The following PLEKHA8 variants were observed in gnomAD, a reference collection of about 807,000 sequenced individuals.
PLEKHA8 encodes the protein pleckstrin homology domain-containing family A member 8.
In PLEKHA8, 36 loss-of-function variants were observed where a neutral mutation model predicts 68.2. The observed-to-expected ratio is 0.53, with a 90% CI of 0.40 to 0.70. The LOEUF (loss-of-function observed/expected upper bound fraction) is 0.70. PLEKHA8 is among the 30% of genes least tolerant of loss of function. The probability of loss-of-function intolerance (pLI) is 0.00; values close to 1 mark genes in which losing one functional copy is unlikely to be tolerated. For missense variants in PLEKHA8, 505 were observed against 615.4 expected, an observed-to-expected ratio of 0.82 and a Z score of 1.90; for synonymous variants, 211 against 216.1, an observed-to-expected ratio of 0.98 and a Z score of 0.20.
At chr7:30,050,556 A>G in intron 6 of PLEKHA8, 82 bp downstream of exon 6, 3 of 1,407,728 alleles carry the variant, frequency 2.1e-6, no homozygotes, top group South Asian at 2.9e-5. Flanking sequence ...AGATACTTTG[A>G]TCTTGTAATG....
chr7:30,110,976 CGCACT>C (rs1562554972), intron 13 of PLEKHA8, among the ~76,000 whole-genome samples: 1 of 151,186 alleles, frequency 6.6e-6, no homozygotes, highest in Non-Finnish European at 1.5e-5. Flanking sequence ...GCGATCTTGG[CGCACT>C]GCAACCTCTG....
intron 7 of PLEKHA8, 87 bp downstream of exon 7, chr7:30,052,953 C>A: frequency 8.9e-7 from 1 of 1,124,940 alleles, no homozygotes; most frequent in Non-Finnish European, 1.3e-6. Flanking sequence ...TAGGGATTAA[C>A]CTCAAGACCA....
chr7:30,077,507 A>G (rs1434737572), intron 13 of PLEKHA8, among the ~76,000 whole-genome samples: 1 of 152,202 alleles, frequency 6.6e-6, no homozygotes, highest in Non-Finnish European at 1.5e-5. Flanking sequence ...TAATGCTTAA[A>G]ATAAGGAAAG....
Position 30,080,908 on chromosome 7 carries a change from GGAT to G in PLEKHA8, c.*2125_*2127del. The G allele has an allele frequency of 4.1e-6, 4 of 985,344 alleles. No homozygotes were observed. Among genetic ancestry groups the G allele is most frequent in the Non-Finnish European group, 3.6e-6 (3 of 829,924 alleles). 61.0% of individuals were successfully genotyped at this position (985,344 alleles called of 1,614,324 possible). A position where few individuals can be genotyped will look rare whatever the true frequency, so the allele number is the denominator to read the frequency against. ...TTTTAGGCATTGTACCATTTAGCGG[GGAT>G]GATACCAGGTGGTTGTTAGAATTGT... On this transcript the variant is annotated 3_prime_UTR_variant, in exon 14 of 14. Transcript: ENST00000449726.
rs549629429 is a variant in PLEKHA8, at chr7:30,115,490, A to G, written c.1363-13776A>G. ...TATACACACATGTATACGTGTATGT[A>G]GACATATGTATACATATGTACACAT... On this transcript the variant is annotated intron_variant, in intron 13 of 13. Coordinates refer to the PLEKHA8 transcript ENST00000396257. 9.7e-4 allele frequency among the ~76,000 whole-genome samples: 148 copies of G among 151,916 alleles called. No individual in the cohort carries two copies. The South Asian group carries it at 0.011, about 11-fold the overall frequency.
chr7:30,065,106 C>G (rs757890076), intron 12 of PLEKHA8, among the ~76,000 whole-genome samples: 2 of 152,080 alleles, frequency 1.3e-5, no homozygotes, highest in Admixed American at 1.3e-4. Context: ...GAGACTGGGC[C>G]CAGGGGATGT....
chr7:30,065,189 C>A (rs1324685937), intron 12 of PLEKHA8, among the ~76,000 whole-genome samples: 1 of 152,156 alleles, frequency 6.6e-6, no homozygotes, highest in African/African-American at 2.4e-5. Context: ...CACAGCCAGT[C>A]TCAGCTTTTT....
chr7:30,100,140 C>T (rs1176998616), intron 13 of PLEKHA8, among the ~76,000 whole-genome samples: 1 of 152,194 alleles, frequency 6.6e-6, no homozygotes, highest in Non-Finnish European at 1.5e-5. Flanking sequence ...CATAAGGAGA[C>T]CTGTCATTGG....
At chr7:30,028,841 G>C (rs547832703) in intron 1 of PLEKHA8, 39 bp downstream of exon 1, 3 of 1,251,178 alleles carry the variant, frequency 2.4e-6, no homozygotes, top group Non-Finnish European at 1.0e-6. Context: ...GCCGGGGGCC[G>C]GTCCTTTGTC....
At chr7:30,089,720 C>T (rs567693975) in intron 12 of PLEKHA8, among the ~76,000 whole-genome samples, 237 of 152,190 alleles carry the variant, frequency 1.6e-3, no homozygotes, top group African/African-American at 5.4e-3. Context: ...AAAGCTAGTC[C>T]AAGAAACAAA....
At chr7:30,116,575 AT>A (rs1473176663) in intron 13 of PLEKHA8, among the ~76,000 whole-genome samples, 1 of 152,204 alleles carries the variant, frequency 6.6e-6, no homozygotes, top group Non-Finnish European at 1.5e-5. Context: ...AAAAAAGGGA[AT>A]AGCTGCACTA....
chr7:30,075,666 G>A (rs1794568733), intron 13 of PLEKHA8, among the ~76,000 whole-genome samples: 1 of 152,150 alleles, frequency 6.6e-6, no homozygotes, highest in African/African-American at 2.4e-5. Flanking sequence ...AATGAATATT[G>A]TGATTATTGT....
chr7:30,123,496 T>C (rs1293309219), intron 13 of PLEKHA8, among the ~76,000 whole-genome samples: 1 of 152,234 alleles, frequency 6.6e-6, no homozygotes, highest in East Asian at 1.9e-4. Context: ...GGATCCAGGC[T>C]GAGCTTTTAG....
chr7:30,130,033 T>A (rs1273143405), downstream of PLEKHA8: 2 of 152,258 alleles, frequency 1.3e-5, no homozygotes, highest in Non-Finnish European at 2.9e-5. Context: ...TCATAAGAGA[T>A]AAGGCTGCCA....
At chr7:30,069,439 G>A (rs1794090122) in intron 12 of PLEKHA8, among the ~76,000 whole-genome samples, 1 of 152,194 alleles carries the variant, frequency 6.6e-6, no homozygotes. Flanking sequence ...TAGGTTTACA[G>A]TAGAAAAACA....
Position 30,082,836 on chromosome 7 carries a change from C to A in PLEKHA8, c.*4049C>A. 1 of 985,188 alleles carries A rather than the reference C, an allele frequency of 1.0e-6. No individual in the cohort carries two copies. The highest frequency in any genetic ancestry group is 1.2e-6 in the Non-Finnish European group (1 of 829,874). 61.0% of individuals were successfully genotyped at this position (985,188 alleles called of 1,614,324 possible). A position where few individuals can be genotyped will look rare whatever the true frequency, so the allele number is the denominator to read the frequency against. ...GGCAATAGAGTCAGAGGGTCATGAG[C>A]AATAGACGATGATGCGAGGCATTTG... On this transcript the variant is annotated 3_prime_UTR_variant, in exon 14 of 14. Transcript: ENST00000449726.
intron 13 of PLEKHA8, among the ~76,000 whole-genome samples, chr7:30,110,107 T>A (rs944303205): frequency 6.6e-6 from 1 of 152,208 alleles, no homozygotes; most frequent in Admixed American, 6.5e-5. Flanking sequence ...GTGTAGTCCT[T>A]ACCATAATCT....
At chr7:30,046,780 A>G (rs1791995961) in intron 3 of PLEKHA8, among the ~76,000 whole-genome samples, 1 of 152,236 alleles carries the variant, frequency 6.6e-6, no homozygotes, top group African/African-American at 2.4e-5. Context: ...GGTGAGGAGT[A>G]GTTGAGCCAG....
At chr7:30,056,356 A>AAC (rs1350450565) in intron 9 of PLEKHA8, among the ~76,000 whole-genome samples, 1 of 129,372 alleles carries the variant, frequency 7.7e-6, no homozygotes, top group African/African-American at 3.0e-5. Context: ...TAATATATAT[A>AAC]ACACATATAT....
Sources: allele counts gnomAD v4.1 joint callset (sites outside exome capture counted in the v4.1 genomes callset), GRCh38; gene constraint gnomAD v4.1.1; transcripts MANE v1.5; gene names NCBI Gene and HGNC (gene_info 2026-07-23, HGNC 2026-07-21).